The following PDE4B variants were observed in gnomAD, a reference collection of about 807,000 sequenced individuals.
PDE4B encodes the protein 3',5'-cyclic-AMP phosphodiesterase 4B.
Under a neutral mutation model 82.2 loss-of-function variants are expected in PDE4B, and 20 were observed. The observed-to-expected ratio is 0.24, with a 90% confidence interval of 0.17 to 0.35. The LOEUF (loss-of-function observed/expected upper bound fraction) is 0.35, where lower values mean the gene tolerates loss of function less well. Among genes scored for constraint, PDE4B ranks in the 10% least tolerant of loss-of-function variants. The probability of loss-of-function intolerance (pLI) is 1.00; values close to 1 mark genes in which losing one functional copy is unlikely to be tolerated. For missense variants in PDE4B, 655 were observed against 907.2 expected (o/e 0.72, Z 3.57); for synonymous variants, 320 against 318.9 (o/e 1.00, Z -0.04).
rs1013023672 is a variant in PDE4B at position 66,196,950 on chromosome 1, A to C, written c.282-50510A>C. Among the ~76,000 whole-genome samples the C allele has an allele frequency of 2.0e-5, 3 of 152,180 alleles. No homozygotes were observed. In the South Asian group the frequency reaches 6.2e-4, roughly 31 times the overall value. On this transcript the variant is annotated intron_variant, in intron 3 of 16. Coordinates refer to ENST00000341517, the MANE Select transcript of PDE4B (RefSeq NM_002600.4). ...AATATGCACATGTACCCTAAAACTT[A>C]AAGTATAACAATAATAAAAAATAAC...
intron 4 of PDE4B, among the ~76,000 whole-genome samples, chr1:66,248,276 G>A (rs1164334741): frequency 1.3e-5 from 2 of 152,190 alleles, no homozygotes; most frequent in African/African-American, 4.8e-5. Context: ...CAAGATCTAG[G>A]TTGTGTCACC....
chr1:66,032,869 T>C (rs992142682), intron 3 of PDE4B, among the ~76,000 whole-genome samples: 1 of 151,872 alleles, frequency 6.6e-6, no homozygotes, highest in Admixed American at 6.6e-5. Flanking sequence ...TCAGCCAGGA[T>C]GGTCTCGATC....
At chr1:65,856,355 C>T (rs1463723301) in intron 1 of PDE4B, among the ~76,000 whole-genome samples, 1 of 152,148 alleles carries the variant, frequency 6.6e-6, no homozygotes, top group Non-Finnish European at 1.5e-5. Flanking sequence ...ACAACAGGCC[C>T]TGGTGTGTCA....
chr1:65,840,571 A>G (rs1272047862), intron 1 of PDE4B, among the ~76,000 whole-genome samples: 1 of 152,216 alleles, frequency 6.6e-6, no homozygotes, highest in Non-Finnish European at 1.5e-5. Context: ...GTCGAGACAA[A>G]TAGAAATAAC....
intron 3 of PDE4B, 147 bp downstream of exon 3, chr1:65,918,982 G>A: frequency 1.6e-6 from 1 of 622,508 alleles, no homozygotes; most frequent in East Asian, 2.7e-5. Flanking sequence ...TAGAATCAAA[G>A]ATAAGGTCTT....
intron 3 of PDE4B, among the ~76,000 whole-genome samples, chr1:66,117,671 A>G (rs1478701496): frequency 6.6e-6 from 1 of 152,074 alleles, no homozygotes; most frequent in East Asian, 1.9e-4. Context: ...TGATAAAGTG[A>G]GGTAGTTTCT....
chr1:66,097,881 T>C (rs1645148543), intron 3 of PDE4B, among the ~76,000 whole-genome samples: 1 of 151,770 alleles, frequency 6.6e-6, no homozygotes. Flanking sequence ...TTTTTGTATT[T>C]TTTAAAGTGG....
intron 3 of PDE4B, among the ~76,000 whole-genome samples, chr1:65,962,470 C>A (rs2100600481): frequency 6.6e-6 from 1 of 152,218 alleles, no homozygotes; most frequent in South Asian, 2.1e-4. Context: ...TGTGGCTTGA[C>A]TCAAGCAGCT....
At chr1:66,240,179 T>C (rs1224417361) in intron 3 of PDE4B, among the ~76,000 whole-genome samples, 1 of 152,242 alleles carries the variant, frequency 6.6e-6, no homozygotes, top group African/African-American at 2.4e-5. Context: ...TCACCCACAG[T>C]CAGTCTTGTT....
chr1:66,216,047 A>T (rs1279247501), intron 3 of PDE4B, among the ~76,000 whole-genome samples: 1 of 151,740 alleles, frequency 6.6e-6, no homozygotes, highest in Admixed American at 6.6e-5. Flanking sequence ...GCAAAGGGAA[A>T]CTCAAAAACC....
intron 3 of PDE4B, among the ~76,000 whole-genome samples, chr1:66,074,326 A>G (rs768457306): frequency 1.3e-4 from 20 of 152,094 alleles, no homozygotes; most frequent in Non-Finnish European, 2.8e-4. Flanking sequence ...TAATTATTTT[A>G]TCTCCTTTCT....
At chr1:65,842,397 C>G (rs1403126769) in intron 1 of PDE4B, among the ~76,000 whole-genome samples, 1 of 152,046 alleles carries the variant, frequency 6.6e-6, no homozygotes, top group Non-Finnish European at 1.5e-5. Context: ...ATCCCTGGCT[C>G]TTAGTAGTTT....
intron 4 of PDE4B, among the ~76,000 whole-genome samples, chr1:66,250,556 A>G (rs1195430785): frequency 6.6e-6 from 1 of 152,250 alleles, no homozygotes; most frequent in Non-Finnish European, 1.5e-5. Flanking sequence ...GGAGAGGATC[A>G]GAATAAGGCT....
intron 3 of PDE4B, among the ~76,000 whole-genome samples, chr1:66,194,658 G>A (rs1183796158): frequency 6.6e-6 from 1 of 152,078 alleles, no homozygotes; most frequent in African/African-American, 2.4e-5. Context: ...TGGACTTAAT[G>A]AGCAAGTATA....
At chr1:66,105,638 C>G (rs1052667848) in intron 3 of PDE4B, among the ~76,000 whole-genome samples, 1 of 151,842 alleles carries the variant, frequency 6.6e-6, no homozygotes, top group Non-Finnish European at 1.5e-5. Context: ...TGTAGTTCTC[C>G]TTGAAGAAGT....
chr1:65,870,284 A>AT (rs1379577276), intron 1 of PDE4B, among the ~76,000 whole-genome samples: 1 of 152,122 alleles, frequency 6.6e-6, no homozygotes, highest in East Asian at 1.9e-4. Context: ...CTTAGATGTT[A>AT]TTTTTGTCTT....
Position 66,373,806 on chromosome 1 carries a change from G to A in PDE4B, c.*1128G>A, listed in dbSNP as rs562147336. The A allele has an allele frequency of 2.0e-5, 3 of 152,432 alleles. No homozygotes were observed. The highest frequency in any genetic ancestry group is 2.1e-4 in the South Asian group (1 of 4,828). 9.4% of individuals were successfully genotyped at this position (152,432 alleles called of 1,614,324 possible). A position where few individuals can be genotyped will look rare whatever the true frequency, so the allele number is the denominator to read the frequency against. On this transcript the variant is annotated 3_prime_UTR_variant, in exon 17 of 17. Transcript: ENST00000341517. The stretch of plus-strand genomic sequence containing the variant: ...GTATTGTGTATTATATAACCCAAAC[G>A]TCACTTAGTAGAGACATATGGCCCC...
At chr1:66,368,124 A>C in intron 15 of PDE4B, 59 bp downstream of exon 15, 1 of 1,564,108 alleles carries the variant, frequency 6.4e-7, no homozygotes. Context: ...CTGAACAACA[A>C]TTAGAAAAAG....
At chr1:66,241,120 C>T (rs755656894) in intron 3 of PDE4B, among the ~76,000 whole-genome samples, 4 of 152,240 alleles carry the variant, frequency 2.6e-5, no homozygotes, top group African/African-American at 9.6e-5. Context: ...CATCAGAGTT[C>T]GTCTTCCTAG....
Sources: gnomAD v4.1 joint callset for allele counts (sites outside exome capture counted in the v4.1 genomes callset) on GRCh38, gnomAD v4.1.1 for gene constraint, MANE v1.5 for transcripts, NCBI Gene and HGNC (gene_info 2026-07-23, HGNC 2026-07-21) for gene names.